The following CUX2 variants were observed in gnomAD, a reference collection of about 807,000 sequenced individuals.
The protein encoded by CUX2 is homeobox protein cut-like 2.
In CUX2, 40 loss-of-function variants were observed where a neutral mutation model predicts 144.8. The observed-to-expected ratio is 0.28, with a 90% CI of 0.21 to 0.36. CUX2 has a LOEUF of 0.36. Ranked by LOEUF, CUX2 falls within the 10% of genes least tolerant of loss-of-function variation. The pLI, the probability that CUX2 is intolerant of heterozygous loss-of-function variation, is 1.00. For missense variants in CUX2, 1,615 were observed against 1,994.0 expected (o/e 0.81, Z 3.62); for synonymous variants, 827 against 875.6 (o/e 0.94, Z 0.98).
chr12:111,327,284 A>T (rs1258919950), intron 18 of CUX2, among the ~76,000 whole-genome samples: 7 of 152,172 alleles, frequency 4.6e-5, no homozygotes, highest in African/African-American at 1.7e-4. Context: ...ATGATATTCC[A>T]TTGTATGGAT....
intron 1 of CUX2, among the ~76,000 whole-genome samples, chr12:111,097,688 A>G (rs1872905995): frequency 6.6e-6 from 1 of 152,222 alleles, no homozygotes; most frequent in South Asian, 2.1e-4. Flanking sequence ...TCACAGCAGC[A>G]GGTCCTGCTC....
intron 4 of CUX2, among the ~76,000 whole-genome samples, chr12:111,286,606 C>T (rs958538393): frequency 6.6e-6 from 1 of 152,020 alleles, no homozygotes; most frequent in Non-Finnish European, 1.5e-5. Flanking sequence ...GGCGCAGTGG[C>T]TCATACCTGT....
intron 3 of CUX2, among the ~76,000 whole-genome samples, chr12:111,247,773 C>G (rs191511965): frequency 2.0e-5 from 3 of 152,346 alleles, no homozygotes; most frequent in African/African-American, 7.2e-5. Flanking sequence ...GCGTCCACCC[C>G]TCATGTTCCC....
In CUX2 at chr12:111,255,238, T is replaced by C. The variant is rs564912737; in HGVS notation, c.223-8523T>C. ...ACCCTCCAGAGGGCCAGAGAGGGTC[T>C]CCAATTTCTGCCCCATTTTAGCAGG... On this transcript the variant is annotated intron_variant, in intron 3 of 21. Transcript: ENST00000261726. The surrounding 1 kb of genome is among the most constrained non-coding windows in gnomAD (Gnocchi z 4.1). Among the ~76,000 whole-genome samples the C allele has an allele frequency of 1.5e-4, 23 of 152,334 alleles. No homozygotes were observed. In the East Asian group the frequency reaches 2.5e-3, roughly 17 times the overall value.
rs1283251432 is a variant in CUX2 at position 111,246,942 on chromosome 12, G to A, written c.223-16819G>A. Among the ~76,000 whole-genome samples the A allele has an allele frequency of 1.3e-5, 2 of 152,164 alleles. No individual in the cohort carries two copies. Among genetic ancestry groups the A allele is most frequent in the Non-Finnish European group, 2.9e-5 (2 of 68,044 alleles). ...TCTGACTCTAGGACTGAGGGGCTGG[G>A]GCTGTGTTTTGTTCATCTTGGCATA... is the stretch of plus-strand genomic sequence containing the variant. On this transcript the variant is annotated intron_variant, in intron 3 of 21. Coordinates refer to ENST00000261726, the MANE Select transcript of CUX2 (RefSeq NM_015267.4). The surrounding 1 kb of genome is among the most constrained non-coding windows in gnomAD (Gnocchi z 4.0).
At chr12:111,232,161 G>A (rs558627965) in intron 3 of CUX2, among the ~76,000 whole-genome samples, 8 of 151,752 alleles carry the variant, frequency 5.3e-5, no homozygotes, top group South Asian at 2.1e-4. Context: ...AGCCGAGATC[G>A]CGCCACTGCA....
chr12:111,225,020 C>T (rs1198818708), intron 3 of CUX2, among the ~76,000 whole-genome samples: 3 of 152,216 alleles, frequency 2.0e-5, no homozygotes. Flanking sequence ...ATCCTCCCAC[C>T]TCAGCCTCCC....
intron 1 of CUX2, among the ~76,000 whole-genome samples, chr12:111,080,610 C>G (rs1871833347): frequency 6.6e-6 from 1 of 152,088 alleles, no homozygotes; most frequent in African/African-American, 2.4e-5. Context: ...GTGCAGGAGT[C>G]TGGGGCTGCA....
In CUX2 at chr12:111,334,719, C is replaced by T. The variant is rs370860262; in HGVS notation, c.3196+9C>T. On this transcript the variant is annotated intron_variant, in intron 19 of 21. Transcript: ENST00000261726. ...CACAGACAACAATCTAGGTACGGAG[C>T]GGGTGGGAATCGGAGAGGCTGCCTC... The T allele has an allele frequency of 1.3e-4, 202 of 1,585,440 alleles. No homozygotes were observed. Among genetic ancestry groups the T allele is most frequent in the Middle Eastern group, 5.3e-4 (3 of 5,674 alleles).
rs907596943 is a variant in CUX2, at chr12:111,068,001, T to C, written c.63+33761T>C. On this transcript the variant is annotated intron_variant, in intron 1 of 21. Coordinates refer to ENST00000261726, the MANE Select transcript of CUX2 (RefSeq NM_015267.4). This position sits in a 1 kb window ranked among gnomAD's most constrained non-coding sequence, Gnocchi z 4.9. ...TTTCAGGGCAGCCCATCACGACCCCTCTAGCAAGAGTTACCTGCCCTCCCC... is the reference window on the plus strand; with the variant it reads ...TTTCAGGGCAGCCCATCACGACCCCCCTAGCAAGAGTTACCTGCCCTCCCC... Among the ~76,000 whole-genome samples the C allele has an allele frequency of 2.4e-4, 37 of 152,034 alleles. No individual in the cohort carries two copies. The highest frequency in any genetic ancestry group is 8.7e-4 in the African/African-American group (36 of 41,380).
chr12:111,293,425 T>TC lies in CUX2; in HGVS notation c.437-18dup. On this transcript the variant is annotated intron_variant, in intron 5 of 21. Coordinates refer to ENST00000261726, the MANE Select transcript of CUX2 (RefSeq NM_015267.4). This position sits in a 1 kb window ranked among gnomAD's most constrained non-coding sequence, Gnocchi z 4.5. ...GTTGCTCTCTTGGCAATGGGGGTTT[T>TC]CCCTCTTTTTCTCCCTGCAGAGCAG... 1 of 1,595,920 alleles carries TC rather than the reference T, an allele frequency of 6.3e-7. No individual in the cohort carries two copies. Among genetic ancestry groups the TC allele is most frequent in the South Asian group, 1.1e-5 (1 of 87,994 alleles).
At chr12:111,261,904 C>CTAAA (rs1200065821) in intron 3 of CUX2, among the ~76,000 whole-genome samples, 5 of 152,148 alleles carry the variant, frequency 3.3e-5, no homozygotes, top group East Asian at 1.9e-4. Flanking sequence ...GACTCTGTCT[C>CTAAA]TAAATAAATA....
rs995232823 is a variant in CUX2 at position 111,178,518 on chromosome 12, C to G, written c.64-35682C>G. ...CCCCTCCCCCATTTAAAACACAGAA[C>G]GTGACTGAGAACTAGAACTGGATTT... On this transcript the variant is annotated intron_variant, in intron 1 of 21. Coordinates refer to ENST00000261726, the MANE Select transcript of CUX2 (RefSeq NM_015267.4). The surrounding 1 kb of genome is among the most constrained non-coding windows in gnomAD (Gnocchi z 5.7). Among the ~76,000 whole-genome samples, 1 of 152,064 alleles carries G rather than the reference C, an allele frequency of 6.6e-6. No homozygotes were observed. The highest frequency in any genetic ancestry group is 1.5e-5 in the Non-Finnish European group (1 of 68,016).
In CUX2 at chr12:111,173,149, T is replaced by G. The variant is rs116518742; in HGVS notation, c.64-41051T>G. On this transcript the variant is annotated intron_variant, in intron 1 of 21. Coordinates refer to ENST00000261726, the MANE Select transcript of CUX2 (RefSeq NM_015267.4). ...GAGGTTTGTTGTTCTTCTTGAGGGATGTTCAGGCTTAGACCCTGAGCTGGG... is the reference window on the plus strand; with the variant it reads ...GAGGTTTGTTGTTCTTCTTGAGGGAGGTTCAGGCTTAGACCCTGAGCTGGG... Among the ~76,000 whole-genome samples the G allele has an allele frequency of 4.5e-3, 678 of 152,342 alleles. 4 individuals carry two copies. The highest frequency in any genetic ancestry group is 0.016 in the African/African-American group (658 of 41,578).
intron 1 of CUX2, among the ~76,000 whole-genome samples, chr12:111,105,028 T>TTATA (rs1296486275): frequency 2.0e-5 from 3 of 152,174 alleles, no homozygotes; most frequent in Non-Finnish European, 4.4e-5. Context: ...CAGGCATGCC[T>TTATA]TATAACCTGT....
At chr12:111,176,210 A>G (rs1169458544) in intron 1 of CUX2, among the ~76,000 whole-genome samples, 2 of 151,126 alleles carry the variant, frequency 1.3e-5, no homozygotes, top group Non-Finnish European at 3.0e-5. Flanking sequence ...CACCACACCT[A>G]ATTTTTTTTT....
At chr12:111,280,938 A>C (rs1195451440) in intron 4 of CUX2, among the ~76,000 whole-genome samples, 1 of 152,144 alleles carries the variant, frequency 6.6e-6, no homozygotes, top group Non-Finnish European at 1.5e-5. Flanking sequence ...AGCTCAGTGC[A>C]CCAGGTCCCA....
chr12:111,112,317 T>C (rs1182981364), intron 1 of CUX2, among the ~76,000 whole-genome samples: 1 of 152,202 alleles, frequency 6.6e-6, no homozygotes, highest in Non-Finnish European at 1.5e-5. Flanking sequence ...TTGCCTCATA[T>C]TGCAAAGAAG....
At chr12:111,343,913 T>C (rs1392872816) in intron 21 of CUX2, among the ~76,000 whole-genome samples, 2 of 152,002 alleles carry the variant, frequency 1.3e-5, no homozygotes, top group South Asian at 2.1e-4. Context: ...ATACAAAAGT[T>C]AGCCAGGCAG....
Sources: gnomAD v4.1 joint callset for allele counts (sites outside exome capture counted in the v4.1 genomes callset) on GRCh38, gnomAD v4.1.1 for gene constraint, Gnocchi (gnomAD v3.1) non-coding constraint, MANE v1.5 for transcripts, NCBI Gene and HGNC (gene_info 2026-07-23, HGNC 2026-07-21) for gene names.